Variants in MYO5B observed in about 807,000 individuals in gnomAD.
MYO5B encodes the protein unconventional myosin-Vb.
In MYO5B, 143 loss-of-function variants were observed where a neutral mutation model predicts 229.3. The ratio of observed to expected loss-of-function variants is 0.62; its 90% CI spans 0.54 to 0.72. MYO5B has a LOEUF of 0.72. MYO5B is among the 30% of genes least tolerant of loss of function. The pLI is 0.00. For synonymous variants in MYO5B, 918 were observed against 885.2 expected (o/e 1.04, Z -0.66); for missense variants, 2,321 against 2,331.0 (o/e 1.00, Z 0.09).
chr18:49,904,887 G>A (rs760375191), intron 19 of MYO5B, 59 bp from the exon 20 acceptor site: 83 of 1,585,134 alleles, frequency 5.2e-5, no homozygotes, highest in Middle Eastern at 1.9e-4. Context: ...CCCTGATGCA[G>A]AGAACCCTGA....
intron 1 of MYO5B, among the ~76,000 whole-genome samples, chr18:50,190,649 T>C (rs1448932837): frequency 6.6e-6 from 1 of 152,006 alleles, no homozygotes; most frequent in Non-Finnish European, 1.5e-5. Context: ...ACATAACATA[T>C]AAACTGCCAC....
intron 4 of MYO5B, among the ~76,000 whole-genome samples, chr18:50,029,442 T>G (rs1483621840): frequency 6.6e-6 from 1 of 152,208 alleles, no homozygotes; most frequent in Non-Finnish European, 1.5e-5. Flanking sequence ...TACCTTGTCC[T>G]AAAGCAATTC....
chr18:49,865,358 A>T (rs1379484033), intron 27 of MYO5B, among the ~76,000 whole-genome samples: 1 of 152,124 alleles, frequency 6.6e-6, no homozygotes, highest in Non-Finnish European at 1.5e-5. Context: ...TTTCCAGAAG[A>T]TTTAGAACCA....
chr18:50,005,438 T>C (rs1660593918), intron 4 of MYO5B, among the ~76,000 whole-genome samples: 1 of 152,210 alleles, frequency 6.6e-6, no homozygotes, highest in African/African-American at 2.4e-5. Context: ...TGATACAGGA[T>C]CTCACTCTGT....
chr18:49,906,279 G>C (rs762537916), intron 19 of MYO5B, 140 bp downstream of exon 19: 34 of 838,972 alleles, frequency 4.1e-5, no homozygotes, highest in Non-Finnish European at 6.4e-5. Flanking sequence ...CAGCTGCCGA[G>C]GAAAAGCCAA....
chr18:50,062,090 T>C (rs920749661), intron 1 of MYO5B, among the ~76,000 whole-genome samples: 12 of 152,290 alleles, frequency 7.9e-5, no homozygotes, highest in Middle Eastern at 6.8e-3. Context: ...TGGAGAAATA[T>C]TGATTTGTTT....
rs752945591 is a variant in MYO5B, at chr18:49,974,514, C to A, written c.1158G>T (p.Glu386Asp). 1 of 1,614,162 alleles carries A rather than the reference C, an allele frequency of 6.2e-7. No homozygotes were observed. The highest frequency in any genetic ancestry group is 8.5e-7 in the Non-Finnish European group (1 of 1,180,018). Residue 386 changes from glutamate to aspartate, a missense_variant, in exon 10 of 40, where the codon GAG becomes GAT. Around this residue, in one of 2 missense-constraint regions of MYO5B, gnomAD observed 2,113 missense variants for 2,044.7 expected, o/e 1.03. Coordinates refer to ENST00000285039, the MANE Select transcript of MYO5B (RefSeq NM_001080467.3). ...LCHRKLVTTSETYVKTMSLQQ... is the reference protein window; with the variant it reads ...LCHRKLVTTSDTYVKTMSLQQ... ...GCAGGGACATGGTCTTGACGTAGGTCTCCGAGGTGGTGACCAGCTTGCGAT... is the reference window on the plus strand; with the variant it reads ...GCAGGGACATGGTCTTGACGTAGGTATCCGAGGTGGTGACCAGCTTGCGAT...
At chr18:49,837,342 C>T (rs1048660301) in intron 37 of MYO5B, among the ~76,000 whole-genome samples, 175 bp downstream of exon 37, 10 of 152,196 alleles carry the variant, frequency 6.6e-5, no homozygotes, top group African/African-American at 2.2e-4. Context: ...CAGTGTTCGA[C>T]GGATTTCACC....
Position 49,839,818 on chromosome 18 carries a change from A to G in MYO5B, c.4702-524T>C, listed in dbSNP as rs1598822867. 5 of 181,538 alleles carry G rather than the reference A, an allele frequency of 2.8e-5. No homozygotes were observed. In the East Asian group the frequency reaches 6.5e-4, roughly 24 times the overall value. The allele number at this position is 181,538 out of a possible 1,614,324, so 11.2% of individuals were successfully genotyped here. On this transcript the variant is annotated intron_variant, in intron 35 of 39. Transcript: ENST00000285039. ...GCACTGTGTCCTCTTAGCTTTCTGT[A>G]TTAATCAGATGAAATCACATGTAAG... is the stretch of plus-strand genomic sequence containing the variant.
intron 4 of MYO5B, among the ~76,000 whole-genome samples, chr18:50,032,320 G>A (rs556200708): frequency 2.1e-4 from 32 of 152,080 alleles, no homozygotes; most frequent in Admixed American, 9.2e-4. Context: ...TTCATCACCC[G>A]CCACAACCAC....
At chr18:50,045,826 A>C (rs1568084553) in intron 2 of MYO5B, among the ~76,000 whole-genome samples, 1 of 152,242 alleles carries the variant, frequency 6.6e-6, no homozygotes, top group Non-Finnish European at 1.5e-5. Flanking sequence ...GCGCTGGCCT[A>C]GACTGTTCTA....
chr18:49,983,794 G>A (rs925739407), intron 8 of MYO5B, among the ~76,000 whole-genome samples: 7 of 152,196 alleles, frequency 4.6e-5, no homozygotes, highest in Non-Finnish European at 7.3e-5. Context: ...CCAGAGAACT[G>A]ACTGGCTCTG....
rs757404354 is a variant in MYO5B at position 49,839,253 on chromosome 18, A to G, written c.4743T>C (p.Cys1581=). The G allele has an allele frequency of 1.4e-5, 22 of 1,614,162 alleles. No individual in the cohort carries two copies. Among genetic ancestry groups the G allele is most frequent in the Non-Finnish European group, 1.9e-5 (22 of 1,180,016 alleles). ...TQNTAKQNEH[C]LKNFDLTEYR... ...ATTCGGTGAGGTCAAAATTCTTAAG[A>G]CAGTGTTCATTCTGCTTTGCAGTGT... The change falls in exon 36 of 40, where the codon TGT becomes TGC. Residue 1581 remains cysteine, a synonymous_variant. Transcript: ENST00000285039.
intron 29 of MYO5B, among the ~76,000 whole-genome samples, chr18:49,862,951 A>T (rs1197331201): frequency 7.2e-6 from 1 of 139,290 alleles, no homozygotes; most frequent in Non-Finnish European, 1.5e-5. Context: ...TCTCAGCCAG[A>T]CCTTCCTATT....
intron 8 of MYO5B, among the ~76,000 whole-genome samples, chr18:49,984,346 T>C (rs1338426737): frequency 6.6e-6 from 1 of 152,206 alleles, no homozygotes; most frequent in Non-Finnish European, 1.5e-5. Context: ...GCACTGGGTG[T>C]GCGCAACATT....
intron 1 of MYO5B, among the ~76,000 whole-genome samples, chr18:50,161,687 C>T (rs2032769135): frequency 6.6e-6 from 1 of 152,196 alleles, no homozygotes; most frequent in African/African-American, 2.4e-5. Flanking sequence ...AAGCATCCTC[C>T]AAGACAATCA....
At chr18:49,867,298 T>C (rs769038707) in intron 27 of MYO5B, among the ~76,000 whole-genome samples, 45 of 152,176 alleles carry the variant, frequency 3.0e-4, no homozygotes, top group Non-Finnish European at 6.0e-4. Context: ...AAAGTCTAGA[T>C]GCTTGGGTGA....
At chr18:50,028,535 G>A (rs2026355899) in intron 4 of MYO5B, among the ~76,000 whole-genome samples, 1 of 152,082 alleles carries the variant, frequency 6.6e-6, no homozygotes, top group Non-Finnish European at 1.5e-5. Context: ...GGACAGAAGG[G>A]GCTGCCATAT....
intron 14 of MYO5B, among the ~76,000 whole-genome samples, chr18:49,939,292 T>C (rs2025287975): frequency 6.6e-6 from 1 of 151,848 alleles, no homozygotes; most frequent in Non-Finnish European, 1.5e-5. Flanking sequence ...ACTGCAGGCG[T>C]GCACTACCAT....
Sources: allele counts gnomAD v4.1 joint callset (sites outside exome capture counted in the v4.1 genomes callset), GRCh38; gene constraint gnomAD v4.1.1; regional missense constraint gnomAD v4.1.1; transcripts MANE v1.5; gene names NCBI Gene and HGNC (gene_info 2026-07-23, HGNC 2026-07-21).